The following RESF1 variants were observed in gnomAD, a reference collection of about 807,000 sequenced individuals.
RESF1 encodes the protein retroelement silencing factor 1.
In RESF1, 65 loss-of-function variants were observed where a neutral mutation model predicts 134.7. The ratio of observed to expected loss-of-function variants is 0.48; its 90% CI spans 0.40 to 0.59. The LOEUF (loss-of-function observed/expected upper bound fraction) is 0.59. Ranked by LOEUF, RESF1 falls within the 20% of genes least tolerant of loss-of-function variation. RESF1 has a pLI of 0.00. For missense variants in RESF1, 2,274 were observed against 2,002.7 expected (o/e 1.14, Z -2.59); for synonymous variants, 762 against 702.2 (o/e 1.09, Z -1.35).
rs749968778 is a variant in RESF1 at position 31,985,706 on chromosome 12, G to C, written c.4751G>C (p.Arg1584Thr). The change falls in exon 4 of 6, where the codon AGA (arginine) becomes ACA (threonine). Residue 1584 changes from arginine (R) to threonine (T), a missense_variant. Transcript: ENST00000312561. The part of the protein sequence containing the change: ...VKDQKKLYLN[R>T]VGFKCTERES... ...GATCAAAAGAAATTATATCTGAATA[G>C]AGTTGGGTTTAAATGCACTGAACGT... 1.2e-6 allele frequency: 2 copies of C among 1,607,754 alleles called. No individual in the cohort carries two copies. The highest frequency in any genetic ancestry group is 1.7e-6 in the Non-Finnish European group (2 of 1,178,474).
Position 31,982,141 on chromosome 12 carries a change from G to A in RESF1, c.1186G>A (p.Asp396Asn). 3 of 1,613,694 alleles carry A rather than the reference G, an allele frequency of 1.9e-6. No individual in the cohort carries two copies. The highest frequency in any genetic ancestry group is 2.5e-6 in the Non-Finnish European group (3 of 1,179,808). Residue 396 changes from aspartate (D) to asparagine (N), a missense_variant, in exon 4 of 6, where the codon GAT becomes AAT. Physicochemically the swap from Asp to Asn is conservative, Grantham distance 23. Coordinates refer to ENST00000312561, the MANE Select transcript of RESF1 (RefSeq NM_018169.4). The stretch of plus-strand genomic sequence containing the variant: ...TGTTGCAAAAGAAAAGCTAGTAAGG[G>A]ATATTAAAACATTAGTAGAGATAAA... ...TSVAKEKLVR[D>N]IKTLVEIKQK...
At chr12:31,988,983 C>T (rs561348491) in intron 5 of RESF1, among the ~76,000 whole-genome samples, 24 of 151,812 alleles carry the variant, frequency 1.6e-4, no homozygotes, top group Admixed American at 1.5e-3. Context: ...CATGAGCCAC[C>T]GTGTCCACCC....
At position 31,984,855 on chromosome 12, in the gene RESF1, CGAG is replaced by C; in HGVS notation, c.3902_3904del (p.Glu1301del). On this transcript the variant is annotated inframe_deletion, in exon 4 of 6. Coordinates refer to ENST00000312561, the MANE Select transcript of RESF1 (RefSeq NM_018169.4). ...ACAAAAGAAAAAAATTGAGGTTTCA[CGAG>C]GTAACCTTTCACTCCAGTAATAAAA... 6.2e-7 allele frequency: 1 copy of C among 1,603,612 alleles called. No individual in the cohort carries two copies. Among genetic ancestry groups the C allele is most frequent in the Non-Finnish European group, 8.5e-7 (1 of 1,177,616 alleles).
intron 3 of RESF1, among the ~76,000 whole-genome samples, chr12:31,976,641 C>G (rs977813843): frequency 1.3e-5 from 2 of 151,994 alleles, no homozygotes; most frequent in Non-Finnish European, 2.9e-5. Flanking sequence ...CGAGATCGCA[C>G]CACTGCACTC....
intron 3 of RESF1, among the ~76,000 whole-genome samples, chr12:31,971,285 G>C (rs1481587518): frequency 6.6e-6 from 1 of 152,184 alleles, no homozygotes; most frequent in African/African-American, 2.4e-5. Context: ...AGGGATTACA[G>C]GCATGTACCA....
chr12:31,985,563 TAAAGA>T lies in RESF1; in HGVS notation c.4612_4616del (p.Glu1538SerfsTer7), dbSNP rs1282860587. ...AAACATACAACATTCTAAGGAATGT[TAAAGA>T]AAAAGTTGGTGGGAAGCAGCCTGAT... On this transcript the variant is annotated frameshift_variant, in exon 4 of 6. Coordinates refer to ENST00000312561, the MANE Select transcript of RESF1 (RefSeq NM_018169.4). LOFTEE classifies it high-confidence loss of function. The T allele has an allele frequency of 1.9e-6, 3 of 1,597,524 alleles. No individual in the cohort carries two copies. Among genetic ancestry groups the T allele is most frequent in the African/African-American group, 1.4e-5 (1 of 73,652 alleles).
At chr12:31,975,526 C>T (rs1416287147) in intron 3 of RESF1, among the ~76,000 whole-genome samples, 1 of 152,172 alleles carries the variant, frequency 6.6e-6, no homozygotes, top group African/African-American at 2.4e-5. Context: ...GAAATCAAAA[C>T]ATACCTAAGA....
rs1939949495 is a variant in RESF1 at position 31,985,506 on chromosome 12, A to G, written c.4551A>G (p.Lys1517=). The G allele has an allele frequency of 3.1e-6, 5 of 1,603,172 alleles. No homozygotes were observed. The highest frequency in any genetic ancestry group is 4.2e-6 in the Non-Finnish European group (5 of 1,177,050). Residue 1517 remains lysine, a synonymous_variant, in exon 4 of 6, where the codon AAA becomes AAG. Coordinates refer to ENST00000312561, the MANE Select transcript of RESF1 (RefSeq NM_018169.4). ...TAAATGGCTTGACAAGCCATGGTAA[A>G]AACCTCAAAATCCACCATTCTCAGG... ...ESLNGLTSHG[K]NLKIHHSQES...
rs142769857 is a variant in RESF1, at chr12:31,981,906, G to A, written c.951G>A (p.Arg317=). The part of the protein sequence containing the change: ...QSREMLSSEI[R]TSFQQQWQNP... ...GAGAAATGCTGTCATCTGAAATAAG[G>A]ACCAGCTTTCAACAGCAGTGGCAAA... The change falls in exon 4 of 6, where the codon AGG becomes AGA. Residue 317 remains arginine, a synonymous_variant. Transcript: ENST00000312561. The A allele has an allele frequency of 8.7e-5, 141 of 1,614,126 alleles. No homozygotes were observed. The African/African-American group carries it at 1.6e-3, about 18-fold the overall frequency.
In RESF1 at chr12:31,981,042, A is replaced by G. The variant is rs1939770859; in HGVS notation, c.87A>G (p.Ile29Met). The change falls in exon 4 of 6, where the codon ATA (isoleucine) becomes ATG (methionine). Residue 29 changes from isoleucine to methionine, a missense_variant. By Grantham distance (10) the Ile-to-Met change is conservative. Coordinates refer to ENST00000312561, the MANE Select transcript of RESF1 (RefSeq NM_018169.4). ...SQPPFLHQSL[I>M]NQITTTSQSS... ...CACCTTTTTTGCACCAGTCTTTAAT[A>G]AACCAAATTACCACAACATCTCAGA... 1 of 1,614,148 alleles carries G rather than the reference A, an allele frequency of 6.2e-7. No individual in the cohort carries two copies. Among genetic ancestry groups the G allele is most frequent in the African/African-American group, 1.3e-5 (1 of 75,050 alleles).
chr12:31,990,001 C>T (rs146713495), intron 5 of RESF1, among the ~76,000 whole-genome samples: 25 of 152,130 alleles, frequency 1.6e-4, no homozygotes, highest in African/African-American at 5.3e-4. Flanking sequence ...CAATGCCTCT[C>T]GGGTTGGAAG....
At position 31,976,350 on chromosome 12, in the gene RESF1, A is replaced by G. The variant is rs939096564; in HGVS notation, c.-78-4528A>G. On this transcript the variant is annotated intron_variant, in intron 3 of 5. Coordinates refer to ENST00000312561, the MANE Select transcript of RESF1 (RefSeq NM_018169.4). ...GTGGAAGCCTTAACAGTAACATTAA[A>G]CAGTTGATAAACACATATTTTGTAT... Among the ~76,000 whole-genome samples, 10 of 152,346 alleles carry G rather than the reference A, an allele frequency of 6.6e-5. 3 individuals are homozygous for G. Among genetic ancestry groups the G allele is most frequent in the East Asian group, 1.9e-4 (1 of 5,192 alleles).
At chr12:31,979,755 C>G (rs1939731340) in intron 3 of RESF1, among the ~76,000 whole-genome samples, 1 of 151,062 alleles carries the variant, frequency 6.6e-6, no homozygotes, top group East Asian at 1.9e-4. Context: ...CAGGGTTTCA[C>G]TATGTTTCCC....
In RESF1 at chr12:31,982,828, A is replaced by G; in HGVS notation, c.1873A>G (p.Asn625Asp). ...GAATCCAAATACCCAAATGACTGGTAACCAACTGAATTTGAAGAACATGGA... is the reference window on the plus strand; with the variant it reads ...GAATCCAAATACCCAAATGACTGGTGACCAACTGAATTTGAAGAACATGGA... ...EMNPNTQMTG[N>D]QLNLKNMETP... The change falls in exon 4 of 6, where the codon AAC becomes GAC. Residue 625 changes from asparagine (N) to aspartate (D), a missense_variant. Physicochemically the swap from Asn to Asp is conservative, Grantham distance 23. Coordinates refer to ENST00000312561, the MANE Select transcript of RESF1 (RefSeq NM_018169.4). 6.2e-7 allele frequency: 1 copy of G among 1,614,166 alleles called. No homozygotes were observed. Among genetic ancestry groups the G allele is most frequent in the Non-Finnish European group, 8.5e-7 (1 of 1,180,002 alleles).
At position 31,981,950 on chromosome 12, in the gene RESF1, G is replaced by T; in HGVS notation, c.995G>T (p.Ser332Ile). 1 of 1,614,172 alleles carries T rather than the reference G, an allele frequency of 6.2e-7. No homozygotes were observed. Among genetic ancestry groups the T allele is most frequent in the Non-Finnish European group, 8.5e-7 (1 of 1,180,026 alleles). The change falls in exon 4 of 6, where the codon AGC becomes ATC. Residue 332 changes from serine to isoleucine, a missense_variant. By Grantham distance (142) the Ser-to-Ile change is moderately radical. Transcript: ENST00000312561. ...TGGCAAAACCCTAATGAAAATGTCA[G>T]CACAATTGGAAATTTCACTAACTTG... Reference protein sequence around the residue: ...QQWQNPNENVSTIGNFTNLKV... With the variant: ...QQWQNPNENVITIGNFTNLKV...
intron 2 of RESF1, chr12:31,962,504 A>C (rs1309366356): frequency 6.6e-6 from 1 of 152,224 alleles, no homozygotes; most frequent in Non-Finnish European, 1.5e-5. Flanking sequence ...TAATACCTTA[A>C]GTGTACTTGT....
chr12:31,984,072 T>G lies in RESF1; in HGVS notation c.3117T>G (p.Asn1039Lys). ...SNYTPQDPAR[N>K]EIHSDKAPVL... ...ATACTCCCCAAGATCCTGCAAGAAATGAAATCCACAGTGATAAGGCACCTG... is the reference window on the plus strand; with the variant it reads ...ATACTCCCCAAGATCCTGCAAGAAAGGAAATCCACAGTGATAAGGCACCTG... Residue 1039 changes from asparagine (N) to lysine (K), a missense_variant, in exon 4 of 6, where the codon AAT becomes AAG. Coordinates refer to ENST00000312561, the MANE Select transcript of RESF1 (RefSeq NM_018169.4). The G allele has an allele frequency of 1.2e-6, 2 of 1,614,028 alleles. No homozygotes were observed. Among genetic ancestry groups the G allele is most frequent in the Non-Finnish European group, 1.7e-6 (2 of 1,179,984 alleles).
Position 31,982,576 on chromosome 12 carries a change from ACTCAGCTTTC to A in RESF1, c.1622_1631del (p.Thr541AsnfsTer56). On this transcript the variant is annotated frameshift_variant, in exon 4 of 6. Coordinates refer to ENST00000312561, the MANE Select transcript of RESF1 (RefSeq NM_018169.4). LOFTEE classifies it high-confidence loss of function. The stretch of plus-strand genomic sequence containing the variant: ...TGAGATGACCCAGGCAGTATTGAAT[ACTCAGCTTTC>A]ATCAGAAAATGTTACCAAAGTTGAG... 6.2e-7 allele frequency: 1 copy of A among 1,613,932 alleles called. No individual in the cohort carries two copies. The highest frequency in any genetic ancestry group is 8.5e-7 in the Non-Finnish European group (1 of 1,180,024).
At chr12:31,972,297 G>T (rs1410466386) in intron 3 of RESF1, among the ~76,000 whole-genome samples, 2 of 152,024 alleles carry the variant, frequency 1.3e-5, no homozygotes, top group African/African-American at 4.8e-5. Flanking sequence ...GGGACTTGGT[G>T]TTGGCATCAG....
Sources: allele counts gnomAD v4.1 joint callset (sites outside exome capture counted in the v4.1 genomes callset), GRCh38; gene constraint gnomAD v4.1.1; transcripts MANE v1.5; gene names NCBI Gene and HGNC (gene_info 2026-07-23, HGNC 2026-07-21).